The following ABR variants were observed in gnomAD, a reference collection of about 807,000 sequenced individuals.
ABR encodes the protein active breakpoint cluster region-related protein.
Under a neutral mutation model 107.2 loss-of-function variants are expected in ABR, and 35 were observed. That is an observed-to-expected ratio of 0.33 (90% confidence interval 0.25 to 0.43). The LOEUF (loss-of-function observed/expected upper bound fraction) is 0.43. ABR is among the 20% of genes least tolerant of loss of function. ABR has a pLI of 1.00. For missense variants in ABR, 815 were observed against 1,115.2 expected (o/e 0.73, Z 3.83); for synonymous variants, 498 against 462.0 (o/e 1.08, Z -1.00).
At chr17:1,221,031 G>T (rs976355221) in intron 1 of ABR, among the ~76,000 whole-genome samples, 4 of 152,210 alleles carry the variant, frequency 2.6e-5, no homozygotes, top group African/African-American at 9.7e-5. Context: ...TAAATTAATA[G>T]ATGGCATAAT....
chr17:1,124,050 A>G (rs2039477063), intron 2 of ABR, among the ~76,000 whole-genome samples: 2 of 151,992 alleles, frequency 1.3e-5, no homozygotes, highest in South Asian at 2.1e-4. Flanking sequence ...CTCTGTTGCC[A>G]TGGCAGCAAT....
intron 16 of ABR, among the ~76,000 whole-genome samples, chr17:1,014,736 C>T (rs1444986090): frequency 6.6e-6 from 1 of 151,358 alleles, no homozygotes; most frequent in Non-Finnish European, 1.5e-5. Flanking sequence ...GTCCCAGCTG[C>T]TGGGGAGGCT....
intron 1 of ABR, among the ~76,000 whole-genome samples, chr17:1,168,962 G>A (rs986000752): frequency 2.0e-5 from 3 of 152,238 alleles, no homozygotes; most frequent in African/African-American, 7.2e-5. Flanking sequence ...CAAGACGCTT[G>A]CTGGCCTCGA....
At chr17:1,030,822 G>C (rs939253373) in intron 16 of ABR, among the ~76,000 whole-genome samples, 1 of 152,242 alleles carries the variant, frequency 6.6e-6, no homozygotes, top group African/African-American at 2.4e-5. Flanking sequence ...AGCCGGACTG[G>C]CACTCTGAGA....
In ABR at chr17:1,179,646, G is replaced by A. The variant is rs201351606; in HGVS notation, c.61+21C>T. 572 of 1,515,996 alleles carry A rather than the reference G, an allele frequency of 3.8e-4. 6 individuals carry two copies. The East Asian group carries it at 0.012, about 32-fold the overall frequency. 93.9% of individuals were successfully genotyped at this position (1,515,996 alleles called of 1,614,324 possible). On this transcript the variant is annotated intron_variant, in intron 1 of 22. Transcript: ENST00000302538. This position sits in a 1 kb window ranked among gnomAD's most constrained non-coding sequence, Gnocchi z 4.9. ...GTCCCGATCCCGATCCTGGGGTCCCGCCCCCGCCCGGCACACGTACTGCTG... is the reference window on the plus strand; with the variant it reads ...GTCCCGATCCCGATCCTGGGGTCCCACCCCCGCCCGGCACACGTACTGCTG...
intron 1 of ABR, among the ~76,000 whole-genome samples, chr17:1,153,498 TGG>T (rs2151540021): frequency 8.4e-6 from 1 of 119,034 alleles, no homozygotes; most frequent in African/African-American, 3.6e-5. Flanking sequence ...ACGGGAGGGC[TGG>T]GGGTCCAGGC....
At chr17:1,204,705 T>A (rs2042753530) in intron 1 of ABR, among the ~76,000 whole-genome samples, 1 of 152,122 alleles carries the variant, frequency 6.6e-6, no homozygotes, top group African/African-American at 2.4e-5. Flanking sequence ...ATATATCATA[T>A]CTATATCACA....
intron 1 of ABR, among the ~76,000 whole-genome samples, chr17:1,185,622 G>T (rs1438815615): frequency 6.9e-6 from 1 of 145,158 alleles, no homozygotes. Flanking sequence ...TCCAGCCTGG[G>T]TGACAGAGTG....
intron 1 of ABR, among the ~76,000 whole-genome samples, chr17:1,215,097 G>T (rs1598140069): frequency 6.6e-6 from 1 of 151,802 alleles, no homozygotes; most frequent in East Asian, 1.9e-4. Flanking sequence ...GTGTGTGCCT[G>T]TAGTCCCAAC....
intron 16 of ABR, among the ~76,000 whole-genome samples, chr17:1,045,098 G>A (rs1025286189): frequency 1.3e-5 from 2 of 152,206 alleles, no homozygotes; most frequent in Non-Finnish European, 2.9e-5. Flanking sequence ...AAGGGAAAAG[G>A]CACAGAATAA....
intron 1 of ABR, among the ~76,000 whole-genome samples, chr17:1,211,122 T>C (rs1384558368): frequency 6.6e-6 from 1 of 151,822 alleles, no homozygotes; most frequent in Non-Finnish European, 1.5e-5. Context: ...TACTAAAAAA[T>C]ACAAAAATTA....
intron 2 of ABR, among the ~76,000 whole-genome samples, chr17:1,106,233 A>C (rs999648528): frequency 6.6e-6 from 1 of 152,196 alleles, no homozygotes. Context: ...CACTGGAAAC[A>C]GGATTGATTT....
intron 16 of ABR, among the ~76,000 whole-genome samples, chr17:1,036,586 G>A (rs2073194561): frequency 6.6e-6 from 1 of 152,156 alleles, no homozygotes. Flanking sequence ...GACAGGTGCA[G>A]GCTCCAGGAT....
chr17:1,158,762 T>TA (rs142332984), intron 1 of ABR, among the ~76,000 whole-genome samples: 76 of 144,466 alleles, frequency 5.3e-4, no homozygotes, highest in Middle Eastern at 3.5e-3. Flanking sequence ...GACTCTGTCT[T>TA]AAAAAAAAAA....
intron 1 of ABR, among the ~76,000 whole-genome samples, chr17:1,143,616 C>A (rs1472199666): frequency 6.6e-6 from 1 of 152,128 alleles, no homozygotes; most frequent in Non-Finnish European, 1.5e-5. Flanking sequence ...AGACTCGAGG[C>A]CCCACCATGG....
intron 1 of ABR, among the ~76,000 whole-genome samples, chr17:1,155,478 T>C (rs893051670): frequency 2.0e-5 from 3 of 152,166 alleles, no homozygotes; most frequent in Admixed American, 1.3e-4. Context: ...TAGATCTTCA[T>C]GGTCTTGGAC....
At chr17:1,226,876 A>G (rs55869724) in intron 1 of ABR, among the ~76,000 whole-genome samples, 16,930 of 151,904 alleles carry the variant, frequency 0.11, 1,164 homozygotes, top group Middle Eastern at 0.19. Flanking sequence ...CTATGCATTT[A>G]TGTGTGCATG....
intron 14 of ABR, among the ~76,000 whole-genome samples, chr17:1,052,431 G>C (rs1218216473): frequency 2.3e-4 from 12 of 52,410 alleles, no homozygotes; most frequent in African/African-American, 1.1e-3. Context: ...GGCTGGGGGA[G>C]GGTTCACAGG....
chr17:1,053,798 G>A (rs539737932), intron 14 of ABR, among the ~76,000 whole-genome samples: 1 of 152,248 alleles, frequency 6.6e-6, no homozygotes, highest in East Asian at 1.9e-4. Context: ...CCCGGCCAAC[G>A]GGAAGCAGGA....
Sources: gnomAD v4.1 joint callset for allele counts (sites outside exome capture counted in the v4.1 genomes callset) on GRCh38, gnomAD v4.1.1 for gene constraint, Gnocchi (gnomAD v3.1) non-coding constraint, MANE v1.5 for transcripts, NCBI Gene and HGNC (gene_info 2026-07-23, HGNC 2026-07-21) for gene names.